The following PSPC1 variants were observed in gnomAD, a reference collection of about 807,000 sequenced individuals.
PSPC1 encodes the protein paraspeckle protein 1.
In PSPC1, 14 loss-of-function variants were observed where a neutral mutation model predicts 51.6. That is an observed-to-expected ratio of 0.27 (90% CI 0.18 to 0.42). The LOEUF (loss-of-function observed/expected upper bound fraction) is 0.42, where lower values mean the gene tolerates loss of function less well. Ranked by LOEUF, PSPC1 falls within the 10% of genes least tolerant of loss-of-function variation. The pLI, the probability that PSPC1 is intolerant of heterozygous loss-of-function variation, is 1.00. For missense variants in PSPC1, 406 were observed against 701.1 expected (o/e 0.58, Z 4.75); for synonymous variants, 193 against 231.9 (o/e 0.83, Z 1.53).
At chr13:19,724,576 C>T (rs530592503) in intron 6 of PSPC1, among the ~76,000 whole-genome samples, 7 of 151,388 alleles carry the variant, frequency 4.6e-5, no homozygotes, top group Non-Finnish European at 8.8e-5. Flanking sequence ...GGATTTTGGC[C>T]GGGTACGGTG....
In PSPC1 at chr13:19,782,286, G is replaced by A; in HGVS notation, c.372+100C>T. On this transcript the variant is annotated intron_variant, in intron 1 of 8. Coordinates refer to ENST00000338910, the MANE Select transcript of PSPC1 (RefSeq NM_001354909.2). This position sits in a 1 kb window ranked among gnomAD's most constrained non-coding sequence, Gnocchi z 4.5. ...GCCGAGCGGCGCCACGGTTGCCACA[G>A]GTTGAGACAGCGTCCTAGGACGAGG... 2 of 1,452,464 alleles carry A rather than the reference G, an allele frequency of 1.4e-6. No homozygotes were observed. Among genetic ancestry groups the A allele is most frequent in the Non-Finnish European group, 1.8e-6 (2 of 1,105,670 alleles). 90.0% of individuals were successfully genotyped at this position (1,452,464 alleles called of 1,614,324 possible). A position where few individuals can be genotyped will look rare whatever the true frequency, so the allele number is the denominator to read the frequency against.
intron 1 of PSPC1, among the ~76,000 whole-genome samples, chr13:19,774,828 A>AT (rs1566056669): frequency 6.6e-6 from 1 of 150,814 alleles, no homozygotes; most frequent in Non-Finnish European, 1.5e-5. Flanking sequence ...ACAAAAAAAA[A>AT]AAAGAAAAAG....
rs1162979037 is a variant in PSPC1, at chr13:19,780,887, G to A, written c.372+1499C>T. On this transcript the variant is annotated intron_variant, in intron 1 of 8. Transcript: ENST00000338910. ...AAATCAAAGTTCCAGGCCGGACACAGTGGCTCACCCTGTAATCCCAGCACT... is the reference window on the plus strand; with the variant it reads ...AAATCAAAGTTCCAGGCCGGACACAATGGCTCACCCTGTAATCCCAGCACT... Among the ~76,000 whole-genome samples the A allele has an allele frequency of 2.6e-5, 4 of 152,214 alleles. No homozygotes were observed. The East Asian group carries it at 5.8e-4, about 22-fold the overall frequency.
At chr13:19,692,704 T>C (rs1593539799) in intron 6 of PSPC1, among the ~76,000 whole-genome samples, 2 of 152,212 alleles carry the variant, frequency 1.3e-5, no homozygotes, top group South Asian at 2.1e-4. Flanking sequence ...ACCTTTGGCG[T>C]CTCTGTTCAT....
chr13:19,779,378 TG>T lies in PSPC1; in HGVS notation c.372+3007del, dbSNP rs1184763998. 1.0e-4 allele frequency among the ~76,000 whole-genome samples: 8 copies of T among 78,194 alleles called. No individual in the cohort carries two copies. The East Asian group carries it at 1.9e-3, about 18-fold the overall frequency. The allele number at this position is 78,194 out of a possible 152,430, so 51.3% of individuals were successfully genotyped here. On this transcript the variant is annotated intron_variant, in intron 1 of 8. Transcript: ENST00000338910. The stretch of plus-strand genomic sequence containing the variant: ...CCAGCCGTGCCGTCCGGGAGGGAGG[TG>T]GGGGGGTCAGCCCCCCGCCCGGCCA...
At chr13:19,728,169 ACT>A (rs760997522) in intron 6 of PSPC1, among the ~76,000 whole-genome samples, 56 of 151,846 alleles carry the variant, frequency 3.7e-4, no homozygotes, top group Non-Finnish European at 6.8e-4. Context: ...AAGTGTTTTC[ACT>A]CTTTCTTTGT....
intron 1 of PSPC1, among the ~76,000 whole-genome samples, chr13:19,774,284 T>C (rs2138326617): frequency 6.6e-6 from 1 of 152,314 alleles, no homozygotes; most frequent in Non-Finnish European, 1.5e-5. Context: ...AGAGGCTTTA[T>C]ATGTATATGT....
intron 4 of PSPC1, among the ~76,000 whole-genome samples, chr13:19,745,126 TGGCCAA>T (rs1885832007): frequency 6.6e-6 from 1 of 152,090 alleles, no homozygotes; most frequent in Non-Finnish European, 1.5e-5. Context: ...GAGACCTGCC[TGGCCAA>T]CATGGCAAAA....
intron 5 of PSPC1, among the ~76,000 whole-genome samples, chr13:19,735,878 G>T (rs1407698394): frequency 6.6e-6 from 1 of 151,524 alleles, no homozygotes; most frequent in African/African-American, 2.4e-5. Flanking sequence ...CTGGAGTGCA[G>T]TGGCGCCATC....
rs143641919 is a variant in PSPC1 at position 19,702,784 on chromosome 13, A to G, written c.*391T>C. 9,554 of 104,260 alleles carry G rather than the reference A, an allele frequency of 0.092. No homozygotes were observed. Among genetic ancestry groups the G allele is most frequent in the South Asian group, 0.2 (799 of 3,986 alleles). The allele number at this position is 104,260 out of a possible 1,614,324, so 6.5% of individuals were successfully genotyped here. ...AAAAGCAAAATCATTTTCATTTTTA[A>G]TGATAGGATTAGTTAAAGCAACCAA... is the stretch of plus-strand genomic sequence containing the variant. On this transcript the variant is annotated 3_prime_UTR_variant, in exon 9 of 9. Transcript: ENST00000338910.
chr13:19,768,698 G>C (rs1474017760), intron 2 of PSPC1, among the ~76,000 whole-genome samples: 2 of 150,664 alleles, frequency 1.3e-5, no homozygotes, highest in African/African-American at 4.9e-5. Flanking sequence ...TAAAAAAATG[G>C]ACAAAAAATT....
intron 5 of PSPC1, among the ~76,000 whole-genome samples, chr13:19,734,965 G>A (rs1354347050): frequency 6.7e-6 from 1 of 150,090 alleles, no homozygotes; most frequent in African/African-American, 2.4e-5. Context: ...GCGACAGAGC[G>A]AGACTCCGTC....
intron 2 of PSPC1, among the ~76,000 whole-genome samples, chr13:19,762,594 A>G (rs1046029018): frequency 1.3e-5 from 2 of 152,138 alleles, no homozygotes; most frequent in African/African-American, 4.8e-5. Flanking sequence ...CATTCATCTA[A>G]TTACACAACA....
intron 1 of PSPC1, among the ~76,000 whole-genome samples, chr13:19,776,185 G>A (rs1368897898): frequency 6.6e-6 from 1 of 152,172 alleles, no homozygotes; most frequent in African/African-American, 2.4e-5. Context: ...CAGTGGCTAG[G>A]CATGGTGGCT....
chr13:19,673,556 A>G (rs1003771914), downstream of PSPC1: 1 of 175,214 alleles, frequency 5.7e-6, no homozygotes, highest in Admixed American at 5.7e-5. Flanking sequence ...TGAATCATGT[A>G]GTATATCTGA....
At chr13:19,686,844 G>A (rs1460781184) in intron 6 of PSPC1, among the ~76,000 whole-genome samples, 1 of 152,134 alleles carries the variant, frequency 6.6e-6, no homozygotes, top group Admixed American at 6.6e-5. Context: ...AGAGAATGGG[G>A]TTAGTCCACT....
intron 2 of PSPC1, among the ~76,000 whole-genome samples, chr13:19,770,496 C>CAA (rs1475167677): frequency 6.6e-6 from 1 of 152,014 alleles, no homozygotes. Context: ...CCCGTCTCTA[C>CAA]AAAAATACGG....
intron 8 of PSPC1, among the ~76,000 whole-genome samples, 191 bp downstream of exon 8, chr13:19,705,471 A>C (rs373269748): frequency 1.3e-5 from 2 of 151,966 alleles, no homozygotes; most frequent in Non-Finnish European, 2.9e-5. Flanking sequence ...CAGCCTCGGC[A>C]ATAGTGCGAG....
intron 2 of PSPC1, among the ~76,000 whole-genome samples, chr13:19,765,463 A>C (rs1887982487): frequency 6.7e-6 from 1 of 150,014 alleles, no homozygotes; most frequent in Non-Finnish European, 1.5e-5. Flanking sequence ...ATGACACAAT[A>C]GATCCATGTG....
Sources: allele counts gnomAD v4.1 joint callset (sites outside exome capture counted in the v4.1 genomes callset), GRCh38; gene constraint gnomAD v4.1.1; non-coding constraint Gnocchi (gnomAD v3.1); transcripts MANE v1.5; gene names NCBI Gene and HGNC (gene_info 2026-07-23, HGNC 2026-07-21).